GLIS3: variants seen among roughly 807,000 people sequenced by gnomAD.
The protein encoded by GLIS3 is GLIS family zinc finger 3.
In GLIS3, 53 loss-of-function variants were observed where a neutral mutation model predicts 78.6. The observed-to-expected ratio is 0.67, with a 90% CI of 0.54 to 0.85. The LOEUF is 0.85. Among genes scored for constraint, GLIS3 ranks in the 40% least tolerant of loss-of-function variants. GLIS3 has a pLI of 0.00. For missense variants in GLIS3, 1,703 were observed against 1,231.1 expected, an observed-to-expected ratio of 1.38 and a Z score of -5.74; for synonymous variants, 684 against 509.9, an observed-to-expected ratio of 1.34 and a Z score of -4.60.
At chr9:4,074,092 C>T (rs12351678) in intron 4 of GLIS3, among the ~76,000 whole-genome samples, 4,710 of 152,284 alleles carry the variant, frequency 0.031, 246 homozygotes, top group African/African-American at 0.11. Context: ...AGCTCCCTTC[C>T]GCCGGACTGG....
intron 4 of GLIS3, among the ~76,000 whole-genome samples, chr9:4,085,675 C>T (rs947943838): frequency 2.6e-5 from 4 of 152,072 alleles, no homozygotes; most frequent in African/African-American, 4.8e-5. Context: ...ATCACGGGGG[C>T]GGATTTCTCA....
intron 2 of GLIS3, among the ~76,000 whole-genome samples, chr9:4,315,800 G>T (rs948101887): frequency 6.6e-6 from 1 of 152,024 alleles, no homozygotes; most frequent in Admixed American, 6.5e-5. Context: ...AGTAGGTGGC[G>T]CCCGTTCCCC....
chr9:4,012,752 T>C (rs1439644263), intron 4 of GLIS3, among the ~76,000 whole-genome samples: 1 of 147,622 alleles, frequency 6.8e-6, no homozygotes, highest in East Asian at 2.0e-4. Context: ...TCTGGTTTCT[T>C]TTTTTTCTTT....
intron 4 of GLIS3, among the ~76,000 whole-genome samples, chr9:3,961,884 T>G (rs558724575): frequency 1.4e-4 from 22 of 152,256 alleles, no homozygotes; most frequent in African/African-American, 5.1e-4. Context: ...GATCACAAAG[T>G]ATCTTGACAT....
At chr9:4,199,809 C>G (rs1819200287) in intron 2 of GLIS3, among the ~76,000 whole-genome samples, 1 of 152,056 alleles carries the variant, frequency 6.6e-6, no homozygotes. Context: ...ACCAATTGGA[C>G]CTAATAGATA....
At chr9:4,030,670 A>T (rs765858004) in intron 4 of GLIS3, among the ~76,000 whole-genome samples, 1 of 152,156 alleles carries the variant, frequency 6.6e-6, no homozygotes, top group Non-Finnish European at 1.5e-5. Flanking sequence ...AGCACCATTT[A>T]TTGAAGAGAA....
chr9:4,483,076 G>C, the GLIS3 span, among the ~76,000 whole-genome samples: 1 of 152,122 alleles, frequency 6.6e-6, no homozygotes, highest in African/African-American at 2.4e-5. Context: ...CTCAACTTTT[G>C]TTCAATTTGA....
chr9:3,981,895 A>C (rs550175712), intron 4 of GLIS3, among the ~76,000 whole-genome samples: 2 of 152,248 alleles, frequency 1.3e-5, no homozygotes, highest in African/African-American at 4.8e-5. Context: ...GAGCTACTTC[A>C]AAAGTTTCTG....
At chr9:4,033,886 A>AAC (rs1554677040) in intron 4 of GLIS3, among the ~76,000 whole-genome samples, 1 of 149,600 alleles carries the variant, frequency 6.7e-6, no homozygotes, top group Non-Finnish European at 1.5e-5. Flanking sequence ...AAAAAAAAAA[A>AAC]AAAACTAGAA....
chr9:3,928,377 C>T (rs1006230024), intron 6 of GLIS3, among the ~76,000 whole-genome samples: 1 of 152,186 alleles, frequency 6.6e-6, no homozygotes, highest in Admixed American at 6.5e-5. Flanking sequence ...CACCATCTGC[C>T]GTCTAGACCA....
rs557050576 is a variant in GLIS3, at chr9:4,202,951, A to T, written c.389-77010T>A. 2.0e-5 allele frequency among the ~76,000 whole-genome samples: 3 copies of T among 152,376 alleles called. No homozygotes were observed. In the South Asian group the frequency reaches 6.2e-4, roughly 32 times the overall value. On this transcript the variant is annotated intron_variant, in intron 2 of 10. Transcript: ENST00000381971. ...AGTCCTAAAGTCAAAGGCAATTGCA[A>T]CAAAAACAAAAGTTGACAAGTGGGA...
At chr9:4,488,596 C>T in the GLIS3 span, among the ~76,000 whole-genome samples, 2,207 of 152,058 alleles carry the variant, frequency 0.015, 48 homozygotes, top group African/African-American at 0.045. Flanking sequence ...CTCGGCTCAC[C>T]GCAACCTCCA....
chr9:4,381,561 C>T, the GLIS3 span, among the ~76,000 whole-genome samples: 15 of 152,210 alleles, frequency 9.9e-5, no homozygotes, highest in Admixed American at 9.8e-4. Context: ...TTTATGAACA[C>T]AGCACTCACG....
At chr9:4,268,689 T>G (rs919638540) in intron 2 of GLIS3, among the ~76,000 whole-genome samples, 1 of 152,206 alleles carries the variant, frequency 6.6e-6, no homozygotes, top group Non-Finnish European at 1.5e-5. Context: ...TACTCCAAGA[T>G]AGGTGGTGAT....
intron 2 of GLIS3, among the ~76,000 whole-genome samples, chr9:4,190,462 C>T (rs868710524): frequency 0.12 from 13,450 of 109,852 alleles, 1,410 homozygotes; most frequent in South Asian, 0.28. Context: ...TGAAATGAAG[C>T]GAGAAGGGAA....
chr9:3,905,110 C>G (rs1823578842), intron 6 of GLIS3, among the ~76,000 whole-genome samples: 1 of 149,288 alleles, frequency 6.7e-6, no homozygotes, highest in African/African-American at 2.5e-5. Flanking sequence ...GTAGCTGGGA[C>G]TATAGGCGCC....
the GLIS3 span, among the ~76,000 whole-genome samples, chr9:4,385,278 A>C: frequency 6.6e-6 from 1 of 152,198 alleles, no homozygotes; most frequent in African/African-American, 2.4e-5. Flanking sequence ...CCCCAAAGAT[A>C]GAAGTTGATA....
At chr9:3,871,430 T>G (rs1489853717) in intron 8 of GLIS3, among the ~76,000 whole-genome samples, 1 of 152,222 alleles carries the variant, frequency 6.6e-6, no homozygotes. Flanking sequence ...ATTGCTCTAG[T>G]AGAGGTTCTT....
rs561814046 is a variant in GLIS3, at chr9:3,834,506, C to T, written c.2474-5014G>A. 1.3e-4 allele frequency among the ~76,000 whole-genome samples: 20 copies of T among 152,186 alleles called. 1 individual carries two copies. In the South Asian group the frequency reaches 3.9e-3, roughly 30 times the overall value. On this transcript the variant is annotated intron_variant, in intron 9 of 10. Transcript: ENST00000381971. Reference sequence around the variant, plus strand: ...TTTTAATTAATTCAAATTTAAATAGCCACTCATGGCTATTGTACCTGACAG... The same window carrying T: ...TTTTAATTAATTCAAATTTAAATAGTCACTCATGGCTATTGTACCTGACAG...
Sources: gnomAD v4.1 joint callset for allele counts (sites outside exome capture counted in the v4.1 genomes callset) on GRCh38, gnomAD v4.1.1 for gene constraint, MANE v1.5 for transcripts, NCBI Gene and HGNC (gene_info 2026-07-23, HGNC 2026-07-21) for gene names.